Variants in MRE11 observed in about 807,000 individuals in gnomAD.
The protein encoded by MRE11 is MRE11 double strand break repair nuclease.
In MRE11, 62 loss-of-function variants were observed where a neutral mutation model predicts 91.7. The ratio of observed to expected loss-of-function variants is 0.68; its 90% CI spans 0.55 to 0.84. The LOEUF is 0.84. Among genes scored for constraint, MRE11 ranks in the 40% least tolerant of loss-of-function variants. MRE11 has a pLI of 0.00. For missense variants in MRE11, 796 were observed against 852.9 expected (o/e 0.93, Z 0.83); for synonymous variants, 273 against 271.4 (o/e 1.01, Z -0.06).
intron 8 of MRE11, 99 bp from the exon 9 acceptor site, chr11:94,470,741 C>A: frequency 1.6e-6 from 2 of 1,219,988 alleles, no homozygotes; most frequent in Non-Finnish European, 2.4e-6. Flanking sequence ...AAAAATGCTT[C>A]TTTATAAAAT....
At chr11:94,459,012 T>C (rs1409971177) in intron 13 of MRE11, among the ~76,000 whole-genome samples, 1 of 152,228 alleles carries the variant, frequency 6.6e-6, no homozygotes, top group Non-Finnish European at 1.5e-5. Flanking sequence ...TGTAGTCAAG[T>C]CTAGACAGCT....
At chr11:94,457,944 T>C (rs1306045520) in intron 13 of MRE11, among the ~76,000 whole-genome samples, 1 of 151,362 alleles carries the variant, frequency 6.6e-6, no homozygotes, top group Non-Finnish European at 1.5e-5. Flanking sequence ...TCAGGAGTCA[T>C]GATGTCACTC....
chr11:94,509,468 G>C, the MRE11 span, among the ~76,000 whole-genome samples: 3 of 151,790 alleles, frequency 2.0e-5, no homozygotes, highest in Admixed American at 2.0e-4. Context: ...TTTTGAGATG[G>C]AGTCTTGCTC....
intron 5 of MRE11, among the ~76,000 whole-genome samples, chr11:94,479,402 T>C (rs1377138112): frequency 6.6e-6 from 1 of 152,190 alleles, no homozygotes; most frequent in African/African-American, 2.4e-5. Flanking sequence ...TGTAAACCAC[T>C]ATACAGATGT....
At chr11:94,479,442 A>C (rs1015740279) in intron 5 of MRE11, among the ~76,000 whole-genome samples, 1 of 152,170 alleles carries the variant, frequency 6.6e-6, no homozygotes, top group Non-Finnish European at 1.5e-5. Context: ...CTGGCTTCTT[A>C]TTGTTAACAT....
In MRE11 at chr11:94,486,191, A is replaced by G; in HGVS notation, c.154-107T>C. Reference sequence around the variant, plus strand: ...AAACTCACAAAAGACACTATTATATATGGCAACTTAAAAATTTACATTTTA... The same window carrying G: ...AAACTCACAAAAGACACTATTATATGTGGCAACTTAAAAATTTACATTTTA... On this transcript the variant is annotated intron_variant, in intron 3 of 19. Coordinates refer to ENST00000323929, the MANE Select transcript of MRE11 (RefSeq NM_005591.4). 2 of 1,032,284 alleles carry G rather than the reference A, an allele frequency of 1.9e-6. 1 individual carries two copies. The highest frequency in any genetic ancestry group is 3.0e-5 in the South Asian group (2 of 67,078). 63.9% of individuals were successfully genotyped at this position (1,032,284 alleles called of 1,614,324 possible).
In MRE11 at chr11:94,419,373, A is replaced by C. The variant is rs1945103437; in HGVS notation, c.*752T>G. ...CAAGATGTAGTTTAAAACAATTTTTAACCCGTTTCCTCCTAGAACTAGGCA... is the reference window on the plus strand; with the variant it reads ...CAAGATGTAGTTTAAAACAATTTTTCACCCGTTTCCTCCTAGAACTAGGCA... On this transcript the variant is annotated 3_prime_UTR_variant, in exon 20 of 20. Transcript: ENST00000323929. The C allele has an allele frequency of 4.3e-6, 1 of 232,522 alleles. No homozygotes were observed. Among genetic ancestry groups the C allele is most frequent in the Non-Finnish European group, 8.5e-6 (1 of 117,792 alleles). 14.4% of individuals were successfully genotyped at this position (232,522 alleles called of 1,614,324 possible).
At chr11:94,461,936 G>C (rs977569696) in intron 11 of MRE11, among the ~76,000 whole-genome samples, 1 of 152,128 alleles carries the variant, frequency 6.6e-6, no homozygotes, top group Non-Finnish European at 1.5e-5. Context: ...TAGCAGGGGC[G>C]TGGTGACAGG....
intron 18 of MRE11, among the ~76,000 whole-genome samples, chr11:94,434,434 C>A (rs1433110551): frequency 2.0e-5 from 3 of 152,076 alleles, no homozygotes; most frequent in East Asian, 3.9e-4. Context: ...TATTTAATTT[C>A]TAACGTTAGG....
intron 15 of MRE11, among the ~76,000 whole-genome samples, chr11:94,446,820 A>C (rs760786488): frequency 6.6e-5 from 10 of 152,226 alleles, no homozygotes; most frequent in Non-Finnish European, 1.0e-4. Flanking sequence ...CAGTAACAAA[A>C]ATAATAATTG....
chr11:94,467,026 G>A (rs1946582615), intron 10 of MRE11, among the ~76,000 whole-genome samples: 1 of 152,202 alleles, frequency 6.6e-6, no homozygotes, highest in African/African-American at 2.4e-5. Flanking sequence ...TCAGCAAGAT[G>A]AGACACGATC....
intron 15 of MRE11, 86 bp downstream of exon 15, chr11:94,447,133 A>G (rs1945955742): frequency 1.5e-6 from 2 of 1,332,176 alleles, no homozygotes; most frequent in African/African-American, 1.4e-5. Context: ...AATAAAACTT[A>G]TAATTCAACT....
chr11:94,478,666 T>G (rs1341290446), intron 6 of MRE11, 69 bp downstream of exon 6: 1 of 1,577,950 alleles, frequency 6.3e-7, no homozygotes, highest in Non-Finnish European at 8.7e-7. Context: ...GATACAAACT[T>G]ATCTCCAAAT....
chr11:94,419,036 G>A lies in MRE11; in HGVS notation c.*1089C>T, dbSNP rs1227982192. ...ACTTGAATTTTAAAGTAAAGCTGTC[G>A]CATAAAACTAGAAGAAGGAATAATC... On this transcript the variant is annotated 3_prime_UTR_variant, in exon 20 of 20. Coordinates refer to ENST00000323929, the MANE Select transcript of MRE11 (RefSeq NM_005591.4). 7 of 231,156 alleles carry A rather than the reference G, an allele frequency of 3.0e-5. No homozygotes were observed. The highest frequency in any genetic ancestry group is 6.6e-5 in the African/African-American group (3 of 45,216). The allele number at this position is 231,156 out of a possible 1,614,324, so 14.3% of individuals were successfully genotyped here.
intron 19 of MRE11, among the ~76,000 whole-genome samples, chr11:94,423,235 C>A (rs1945221429): frequency 6.6e-6 from 1 of 152,104 alleles, no homozygotes; most frequent in African/African-American, 2.4e-5. Flanking sequence ...TTGCCCAATG[C>A]CAGGGCTGGT....
intron 14 of MRE11, 72 bp downstream of exon 14, chr11:94,456,204 A>T: frequency 7.0e-7 from 1 of 1,433,146 alleles, no homozygotes; most frequent in South Asian, 1.2e-5. Flanking sequence ...TGACTATTCT[A>T]ACTAAACCTA....
At chr11:94,461,181 A>C in intron 11 of MRE11, 145 bp from the exon 12 acceptor site, 1 of 669,336 alleles carries the variant, frequency 1.5e-6, no homozygotes, top group Non-Finnish European at 2.5e-6. Context: ...AGGCAAAACA[A>C]GCCATTTTTG....
chr11:94,508,218 ATT>A, the MRE11 span, among the ~76,000 whole-genome samples: 1 of 152,166 alleles, frequency 6.6e-6, no homozygotes, highest in Admixed American at 6.5e-5. Context: ...AAGTGCTGGT[ATT>A]ACAGGCATGA....
chr11:94,501,960 C>A, the MRE11 span, among the ~76,000 whole-genome samples: 2 of 151,918 alleles, frequency 1.3e-5, no homozygotes, highest in Non-Finnish European at 2.9e-5. Flanking sequence ...TTATCAATGT[C>A]CTCCAGTCAT....
Sources: allele counts gnomAD v4.1 joint callset (sites outside exome capture counted in the v4.1 genomes callset), GRCh38; gene constraint gnomAD v4.1.1; transcripts MANE v1.5; gene names NCBI Gene and HGNC (gene_info 2026-07-23, HGNC 2026-07-21).